Variants in MSI2 observed in about 807,000 individuals in gnomAD.
The protein encoded by MSI2 is musashi RNA binding protein 2, also known as RNA-binding protein Musashi homolog 2.
MSI2 carries 17 observed loss-of-function variants against 45.6 expected under a neutral mutation model. The observed-to-expected ratio is 0.37, with a 90% confidence interval of 0.26 to 0.56. The LOEUF (loss-of-function observed/expected upper bound fraction) is 0.56, where lower values mean the gene tolerates loss of function less well. Ranked by LOEUF, MSI2 falls within the 20% of genes least tolerant of loss-of-function variation. The pLI is 0.77. For synonymous variants in MSI2, 156 were observed against 158.2 expected (o/e 0.99, Z 0.11); for missense variants, 293 against 444.2 (o/e 0.66, Z 3.06).
At chr17:57,345,960 C>A (rs1915563444) in intron 5 of MSI2, among the ~76,000 whole-genome samples, 1 of 152,052 alleles carries the variant, frequency 6.6e-6, no homozygotes, top group African/African-American at 2.4e-5. Flanking sequence ...GTAACAGTCG[C>A]ATCTTATTTT....
chr17:57,676,867 A>G, intron 12 of MSI2, 120 bp from the exon 13 acceptor site: 9 of 762,478 alleles, frequency 1.2e-5, no homozygotes, highest in Non-Finnish European at 1.9e-5. Flanking sequence ...GGTGTCTCAG[A>G]ATTACATATT....
chr17:57,482,301 A>G (rs2085662853), intron 6 of MSI2, among the ~76,000 whole-genome samples: 1 of 152,168 alleles, frequency 6.6e-6, no homozygotes, highest in African/African-American at 2.4e-5. Context: ...ATCGGCTCAC[A>G]GTTGCTTTGG....
chr17:57,637,763 A>G (rs1012035006), intron 10 of MSI2, among the ~76,000 whole-genome samples: 1 of 152,226 alleles, frequency 6.6e-6, no homozygotes, highest in African/African-American at 2.4e-5. Context: ...TGTCATGACC[A>G]AGGAAGGCAA....
intron 5 of MSI2, among the ~76,000 whole-genome samples, chr17:57,381,807 T>C (rs190882587): frequency 6.6e-6 from 1 of 152,388 alleles, no homozygotes; most frequent in Admixed American, 6.5e-5. Flanking sequence ...TGGCACTGTA[T>C]TCTGCTCACA....
intron 7 of MSI2, among the ~76,000 whole-genome samples, chr17:57,592,832 C>CTCA (rs1339921824): frequency 6.6e-6 from 1 of 152,164 alleles, no homozygotes; most frequent in East Asian, 1.9e-4. Flanking sequence ...TTCTTCCCAT[C>CTCA]TCAGAGTGGG....
Position 57,317,230 on chromosome 17 carries a change from G to A in MSI2, c.312+55038G>A, listed in dbSNP as rs1002690771. ...GCCACGCCTGCCATGGCCAGGGCAT[G>A]GGGGTGGCAGCATGCTTACTGTCTG... On this transcript the variant is annotated intron_variant, in intron 5 of 13. Coordinates refer to ENST00000284073, the MANE Select transcript of MSI2 (RefSeq NM_138962.4). Among the ~76,000 whole-genome samples, 22 of 152,170 alleles carry A rather than the reference G, an allele frequency of 1.4e-4. 1 individual carries two copies. The highest frequency in any genetic ancestry group is 4.8e-5 in the African/African-American group (2 of 41,448).
At chr17:57,315,443 T>C (rs890959863) in intron 5 of MSI2, among the ~76,000 whole-genome samples, 3 of 151,192 alleles carry the variant, frequency 2.0e-5, no homozygotes, top group African/African-American at 4.9e-5. Flanking sequence ...GGGGAGCCTG[T>C]GTTGGGGGAG....
chr17:57,388,702 G>A (rs969081215), intron 5 of MSI2, among the ~76,000 whole-genome samples: 3 of 152,100 alleles, frequency 2.0e-5, no homozygotes, highest in Admixed American at 6.5e-5. Context: ...CACCCAGGCT[G>A]GAGTGCAGTG....
intron 5 of MSI2, among the ~76,000 whole-genome samples, chr17:57,312,913 C>T (rs923281324): frequency 2.6e-5 from 4 of 152,214 alleles, no homozygotes; most frequent in South Asian, 2.1e-4. Context: ...GTGGTGCTAT[C>T]TTGGCTCACT....
chr17:57,560,451 A>G (rs931569817), intron 7 of MSI2, among the ~76,000 whole-genome samples: 1 of 152,192 alleles, frequency 6.6e-6, no homozygotes, highest in African/African-American at 2.4e-5. Flanking sequence ...GGACATTTTC[A>G]AAACTCTTCT....
chr17:57,541,390 A>T (rs1239218613), intron 7 of MSI2, among the ~76,000 whole-genome samples: 1 of 152,224 alleles, frequency 6.6e-6, no homozygotes, highest in Non-Finnish European at 1.5e-5. Flanking sequence ...GAAAGGAAGA[A>T]AAGGAAGGAA....
intron 13 of MSI2, among the ~76,000 whole-genome samples, chr17:57,677,523 G>A (rs1345045361): frequency 1.3e-5 from 2 of 152,184 alleles, no homozygotes; most frequent in Admixed American, 6.5e-5. Flanking sequence ...GGGTTGCTGG[G>A]CCCCTTCAGC....
At chr17:57,261,454 CA>C (rs1343276302) in intron 4 of MSI2, among the ~76,000 whole-genome samples, 1 of 151,744 alleles carries the variant, frequency 6.6e-6, no homozygotes, top group African/African-American at 2.4e-5. Context: ...TTTTAAAATC[CA>C]GGTGGATTTA....
intron 5 of MSI2, among the ~76,000 whole-genome samples, chr17:57,319,189 G>T (rs895930807): frequency 3.9e-5 from 6 of 152,252 alleles, no homozygotes; most frequent in African/African-American, 1.4e-4. Flanking sequence ...GAAATAGTGC[G>T]ACAGGGGCGA....
chr17:57,648,710 G>T (rs941609325), intron 10 of MSI2, among the ~76,000 whole-genome samples: 1 of 152,156 alleles, frequency 6.6e-6, no homozygotes, highest in African/African-American at 2.4e-5. Flanking sequence ...TGCTTGGCCC[G>T]AGGCCCTATG....
intron 5 of MSI2, among the ~76,000 whole-genome samples, chr17:57,345,145 T>G (rs921792047): frequency 1.3e-5 from 2 of 152,322 alleles, no homozygotes; most frequent in Non-Finnish European, 1.5e-5. Context: ...CCATCCCAGC[T>G]AAAGACCTAG....
At chr17:57,535,378 T>C (rs1206462696) in intron 7 of MSI2, among the ~76,000 whole-genome samples, 1 of 152,276 alleles carries the variant, frequency 6.6e-6, no homozygotes, top group Non-Finnish European at 1.5e-5. Context: ...GTGAGGAGTC[T>C]CTGAAGCTAA....
chr17:57,412,650 A>G (rs1237799807), intron 6 of MSI2, among the ~76,000 whole-genome samples: 3 of 152,230 alleles, frequency 2.0e-5, no homozygotes, highest in Non-Finnish European at 4.4e-5. Context: ...CAGTTCTGCC[A>G]TGCTATCACG....
At chr17:57,346,284 C>T (rs1345403134) in intron 5 of MSI2, among the ~76,000 whole-genome samples, 2 of 150,614 alleles carry the variant, frequency 1.3e-5, no homozygotes, top group Non-Finnish European at 2.9e-5. Flanking sequence ...AAAAGTTTAA[C>T]AGCGAAGTAA....
Sources: allele counts gnomAD v4.1 joint callset (sites outside exome capture counted in the v4.1 genomes callset), GRCh38; gene constraint gnomAD v4.1.1; transcripts MANE v1.5; gene names NCBI Gene and HGNC (gene_info 2026-07-23, HGNC 2026-07-21).